The following TARS1 variants were observed in gnomAD, a reference collection of about 807,000 sequenced individuals.
The protein encoded by TARS1 is threonine--tRNA ligase 1, cytoplasmic.
Under a neutral mutation model 97.7 loss-of-function variants are expected in TARS1, and 57 were observed. The observed-to-expected ratio is 0.58, with a 90% CI of 0.47 to 0.73. TARS1 has a LOEUF of 0.73. TARS1 is among the 30% of genes least tolerant of loss of function. The pLI, the probability that TARS1 is intolerant of heterozygous loss-of-function variation, is 0.00. For missense variants in TARS1, 806 were observed against 888.3 expected, an observed-to-expected ratio of 0.91 and a Z score of 1.18; for synonymous variants, 312 against 293.7, an observed-to-expected ratio of 1.06 and a Z score of -0.64.
rs1233832822 is a variant in TARS1 at position 33,460,826 on chromosome 5, T to G, written c.1251-76T>G. The G allele has an allele frequency of 1.9e-6, 3 of 1,550,492 alleles. No individual in the cohort carries two copies. The African/African-American group carries it at 4.1e-5, about 21-fold the overall frequency. ...TAGAATCAGTGGCTTTTTGACAACC[T>G]TTCGTGTAATTAAATATAGCATTAC... On this transcript the variant is annotated intron_variant, in intron 11 of 18. Transcript: ENST00000265112.
At chr5:33,449,331 G>GTA (rs770289505) in intron 3 of TARS1, among the ~76,000 whole-genome samples, 1 of 104,384 alleles carries the variant, frequency 9.6e-6, no homozygotes, top group Non-Finnish European at 2.0e-5. Context: ...ATATATACGC[G>GTA]TATATATACA....
chr5:33,464,027 A>G (rs917280114), intron 17 of TARS1, among the ~76,000 whole-genome samples: 2 of 152,172 alleles, frequency 1.3e-5, no homozygotes, highest in East Asian at 3.8e-4. Context: ...ACATATTTGG[A>G]TAGTGTTTTA....
intron 1 of TARS1, among the ~76,000 whole-genome samples, chr5:33,443,306 CCTCTCT>C (rs796951039): frequency 3.5e-5 from 3 of 85,512 alleles, no homozygotes; most frequent in African/African-American, 1.3e-4. Flanking sequence ...GTGGTGATTC[CCTCTCT>C]CTCTCTCCCT....
chr5:33,445,209 AT>A (rs1019025840), intron 1 of TARS1, 114 bp from the exon 2 acceptor site: 145 of 794,544 alleles, frequency 1.8e-4, no homozygotes, highest in East Asian at 4.3e-4. Flanking sequence ...TCAGATTTCC[AT>A]TTTTTTTAAA....
chr5:33,458,339 G>A (rs2111563698), intron 9 of TARS1, among the ~76,000 whole-genome samples: 1 of 152,298 alleles, frequency 6.6e-6, no homozygotes, highest in East Asian at 1.9e-4. Flanking sequence ...ACTGGATTGA[G>A]GAATATAACA....
chr5:33,450,479 T>A (rs1741677819), intron 3 of TARS1, among the ~76,000 whole-genome samples: 1 of 152,212 alleles, frequency 6.6e-6, no homozygotes, highest in African/African-American at 2.4e-5. Flanking sequence ...ATGGAGTGTT[T>A]CCATTCATTT....
chr5:33,459,859 C>A lies in TARS1; in HGVS notation c.1248C>A (p.His416Gln). 6.2e-7 allele frequency: 1 copy of A among 1,607,894 alleles called. No homozygotes were observed. Among genetic ancestry groups the A allele is most frequent in the Non-Finnish European group, 8.5e-7 (1 of 1,175,564 alleles). ...TGAAACCCATGAACTGCCCAGGACACTGGTATTCGGCAGCTTTGAATTTCT... is the reference window on the plus strand; with the variant it reads ...TGAAACCCATGAACTGCCCAGGACAATGGTATTCGGCAGCTTTGAATTTCT... ...FALKPMNCPG[H>Q]CLMFDHRPRS... The change falls in exon 11 of 19, where the codon CAC (histidine) becomes CAA (glutamine). Residue 416 changes from histidine to glutamine, a missense_variant and splice_region_variant. This residue lies in a region of TARS1 where 446 missense variants were observed against 511.0 expected (regional missense o/e 0.87). Transcript: ENST00000265112.
chr5:33,440,907 C>T, upstream of TARS1: 2 of 643,396 alleles, frequency 3.1e-6, no homozygotes, highest in Non-Finnish European at 5.4e-6. Flanking sequence ...CGCCTTCCCC[C>T]GTTATCCATT....
At chr5:33,443,356 T>TCTCTCTCTCTCTCC (rs1741233090) in intron 1 of TARS1, among the ~76,000 whole-genome samples, 1 of 145,394 alleles carries the variant, frequency 6.9e-6, no homozygotes, top group Non-Finnish European at 1.5e-5. Flanking sequence ...TCTCTCTCTC[T>TCTCTCTCTCTCTCC]CTCTCACTAC....
chr5:33,451,520 G>A (rs1579580835), intron 3 of TARS1, among the ~76,000 whole-genome samples: 1 of 151,944 alleles, frequency 6.6e-6, no homozygotes, highest in East Asian at 1.9e-4. Context: ...GATTACAGGC[G>A]CCCGCCACCA....
intron 1 of TARS1, among the ~76,000 whole-genome samples, chr5:33,442,345 T>C (rs1741149249): frequency 7.1e-6 from 1 of 141,276 alleles, no homozygotes; most frequent in Non-Finnish European, 1.6e-5. Context: ...TTTTTTTTGC[T>C]TAATAGAATG....
At chr5:33,458,382 T>C (rs1561075723) in intron 9 of TARS1, among the ~76,000 whole-genome samples, 184 bp from the exon 10 acceptor site, 1 of 152,200 alleles carries the variant, frequency 6.6e-6, no homozygotes, top group Non-Finnish European at 1.5e-5. Context: ...TGCCAAATTG[T>C]AAATCAGCTG....
intron 18 of TARS1, 24 bp from the exon 19 acceptor site, chr5:33,467,536 C>A (rs1309303899): frequency 6.2e-7 from 1 of 1,603,874 alleles, no homozygotes; most frequent in African/African-American, 1.3e-5. Context: ...TTAAGTCTGA[C>A]AAAGCTTTGT....
intron 9 of TARS1, among the ~76,000 whole-genome samples, chr5:33,457,881 TA>T (rs1226805009): frequency 6.6e-6 from 1 of 152,220 alleles, no homozygotes; most frequent in Non-Finnish European, 1.5e-5. Flanking sequence ...TTAGGCTAGA[TA>T]AAACATTCCC....
chr5:33,452,121 C>A (rs1741773203), intron 3 of TARS1, among the ~76,000 whole-genome samples: 1 of 152,036 alleles, frequency 6.6e-6, no homozygotes, highest in Admixed American at 6.6e-5. Flanking sequence ...TGTTGTAAAC[C>A]CTTAGACATA....
At chr5:33,464,504 T>G (rs1490276412) in intron 17 of TARS1, among the ~76,000 whole-genome samples, 1 of 152,194 alleles carries the variant, frequency 6.6e-6, no homozygotes, top group Non-Finnish European at 1.5e-5. Context: ...ATAGTGAAAA[T>G]TCCATACTAA....
At chr5:33,443,428 T>G (rs1379777366) in intron 1 of TARS1, among the ~76,000 whole-genome samples, 1 of 151,396 alleles carries the variant, frequency 6.6e-6, no homozygotes, top group African/African-American at 2.4e-5. Context: ...AAAACTTATT[T>G]TATCATCTTT....
In TARS1 at chr5:33,466,910, A is replaced by G. The variant is rs370837952; in HGVS notation, c.1948A>G (p.Ile650Val). The change falls in exon 18 of 19, where the codon ATT becomes GTT. Residue 650 changes from isoleucine (I) to valine (V), a missense_variant. By Grantham distance (29) the Ile-to-Val change is conservative (BLOSUM62 3). Around this residue, in one of 3 missense-constraint regions of TARS1, gnomAD observed 446 missense variants for 511.0 expected, o/e 0.87. Coordinates refer to ENST00000265112, the MANE Select transcript of TARS1 (RefSeq NM_152295.5). ...QFHDAKFMADIDLDPGCTLNK... is the reference protein window; with the variant it reads ...QFHDAKFMADVDLDPGCTLNK... The stretch of plus-strand genomic sequence containing the variant: ...CCACGATGCCAAATTCATGGCAGAC[A>G]TTGATCTGGATCCAGGCTGTACATT... 7 of 1,604,466 alleles carry G rather than the reference A, an allele frequency of 4.4e-6. No homozygotes were observed. Among genetic ancestry groups the G allele is most frequent in the African/African-American group, 2.7e-5 (2 of 74,188 alleles).
At chr5:33,449,314 T>TGTGTATATATATACGCGTATATATACAC (rs979183887) in intron 3 of TARS1, among the ~76,000 whole-genome samples, 2 of 142,994 alleles carry the variant, frequency 1.4e-5, no homozygotes, top group Non-Finnish European at 3.1e-5. Flanking sequence ...AACATATATA[T>TGTGTATATATATACGCGTATATATACAC]GTGTATATAT....
Sources: allele counts gnomAD v4.1 joint callset (sites outside exome capture counted in the v4.1 genomes callset), GRCh38; gene constraint gnomAD v4.1.1; regional missense constraint gnomAD v4.1.1; transcripts MANE v1.5; gene names NCBI Gene and HGNC (gene_info 2026-07-23, HGNC 2026-07-21).